TRMT1L: variants seen among roughly 807,000 people sequenced by gnomAD.
TRMT1L encodes tRNA methyltransferase 1L.
A neutral mutation model predicts 81.6 loss-of-function variants in TRMT1L; 28 were observed. The ratio of observed to expected loss-of-function variants is 0.34; its 90% CI spans 0.25 to 0.47. TRMT1L has a LOEUF of 0.47. Among genes scored for constraint, TRMT1L ranks in the 20% least tolerant of loss-of-function variants. The pLI is 1.00. For synonymous variants in TRMT1L, 301 were observed against 303.2 expected (o/e 0.99, Z 0.07); for missense variants, 739 against 877.1 (o/e 0.84, Z 1.99).
intron 10 of TRMT1L, among the ~76,000 whole-genome samples, chr1:185,132,547 A>AAT (rs1652799268): frequency 1.3e-5 from 2 of 151,300 alleles, no homozygotes; most frequent in African/African-American, 2.4e-5. Context: ...AATAAAAATA[A>AAT]AAATAAATAA....
intron 1 of TRMT1L, among the ~76,000 whole-genome samples, chr1:185,155,103 T>C (rs1653458858): frequency 1.3e-5 from 2 of 152,256 alleles, no homozygotes; most frequent in South Asian, 4.1e-4. Context: ...ATATTTGTCC[T>C]ACTAATGCAT....
chr1:185,156,423 G>A, intron 1 of TRMT1L, 55 bp downstream of exon 1: 1 of 1,613,156 alleles, frequency 6.2e-7, no homozygotes, highest in Non-Finnish European at 8.5e-7. Context: ...CTACTTCCCA[G>A]CAAGGCGCAC....
At chr1:185,148,981 T>A (rs1557992510) in intron 3 of TRMT1L, among the ~76,000 whole-genome samples, 1 of 152,210 alleles carries the variant, frequency 6.6e-6, no homozygotes, top group Non-Finnish European at 1.5e-5. Flanking sequence ...CATAATCATA[T>A]ACAAATATAA....
intron 3 of TRMT1L, among the ~76,000 whole-genome samples, chr1:185,149,995 A>G (rs2102257720): frequency 6.6e-6 from 1 of 152,234 alleles, no homozygotes; most frequent in African/African-American, 2.4e-5. Flanking sequence ...GCAGAAAGAG[A>G]TATTATCTTG....
At chr1:185,148,838 T>C (rs983129877) in intron 3 of TRMT1L, among the ~76,000 whole-genome samples, 4 of 152,186 alleles carry the variant, frequency 2.6e-5, no homozygotes, top group African/African-American at 9.6e-5. Context: ...AAATAACTAA[T>C]GATAATCTTT....
chr1:185,147,777 G>A (rs1231553674), intron 3 of TRMT1L, among the ~76,000 whole-genome samples: 2 of 151,658 alleles, frequency 1.3e-5, no homozygotes, highest in Non-Finnish European at 2.9e-5. Flanking sequence ...TCATTTCCTT[G>A]GCAACTTAGC....
chr1:185,129,802 A>G (rs1284838537), intron 10 of TRMT1L, among the ~76,000 whole-genome samples: 1 of 151,668 alleles, frequency 6.6e-6, no homozygotes, highest in East Asian at 1.9e-4. Context: ...AGTATTATTT[A>G]ATTCTAAGCT....
At position 185,119,747 on chromosome 1, in the gene TRMT1L, T is replaced by G. The variant is rs1465146929; in HGVS notation, c.*272A>C. 2 of 284,926 alleles carry G rather than the reference T, an allele frequency of 7.0e-6. No individual in the cohort carries two copies. Among genetic ancestry groups the G allele is most frequent in the East Asian group, 1.2e-4 (2 of 16,362 alleles). 17.6% of individuals were successfully genotyped at this position (284,926 alleles called of 1,614,324 possible). On this transcript the variant is annotated 3_prime_UTR_variant, in exon 15 of 15. Transcript: ENST00000367506. ...AAACACTTTGCATGTGAAAATTTTCTGAATTATTAAGCAGTAGGGTGATCT... is the reference window on the plus strand; with the variant it reads ...AAACACTTTGCATGTGAAAATTTTCGGAATTATTAAGCAGTAGGGTGATCT...
In TRMT1L at chr1:185,140,156, T is replaced by C; in HGVS notation, c.926A>G (p.Asn309Ser). The C allele has an allele frequency of 6.2e-7, 1 of 1,613,850 alleles. No individual in the cohort carries two copies. The highest frequency in any genetic ancestry group is 8.5e-7 in the Non-Finnish European group (1 of 1,179,860). ...NAVKVTINDLNENSVTLIQEN... is the reference protein window; with the variant it reads ...NAVKVTINDLSENSVTLIQEN... ...CTGAATCAGTGTCACAGAATTTTCA[T>C]TCAAGTCATTGATTGTAACTTTGAC... Residue 309 changes from asparagine (N) to serine (S), a missense_variant, in exon 8 of 15, where the codon AAT becomes AGT. Asn to Ser is a conservative substitution (Grantham distance 46). This residue lies in a region of TRMT1L where 331 missense variants were observed against 462.2 expected (regional missense o/e 0.72). Coordinates refer to ENST00000367506, the MANE Select transcript of TRMT1L (RefSeq NM_030934.5).
intron 3 of TRMT1L, among the ~76,000 whole-genome samples, chr1:185,147,747 T>C (rs1430943431): frequency 6.6e-6 from 1 of 152,168 alleles, no homozygotes; most frequent in Non-Finnish European, 1.5e-5. Flanking sequence ...TAGGCTTGGG[T>C]GGCTAAGTGA....
At chr1:185,153,139 A>C (rs1407557) in intron 1 of TRMT1L, among the ~76,000 whole-genome samples, 1 of 152,006 alleles carries the variant, frequency 6.6e-6, no homozygotes, top group Non-Finnish European at 1.5e-5. Flanking sequence ...AAATTTCTCA[A>C]TCATTACATA....
chr1:185,127,179 G>A (rs899389204), intron 11 of TRMT1L, among the ~76,000 whole-genome samples: 3 of 152,172 alleles, frequency 2.0e-5, no homozygotes, highest in Non-Finnish European at 4.4e-5. Context: ...CCAGTAACCT[G>A]CTATTTTTAA....
intron 1 of TRMT1L, among the ~76,000 whole-genome samples, chr1:185,154,043 T>C (rs923297917): frequency 2.6e-5 from 4 of 152,232 alleles, no homozygotes; most frequent in Non-Finnish European, 4.4e-5. Flanking sequence ...TGCAGTAGCT[T>C]GCAGATAGGA....
chr1:185,156,699 G>A lies in TRMT1L; in HGVS notation c.14C>T (p.Ala5Val), dbSNP rs753656594. 2.5e-6 allele frequency: 4 copies of A among 1,612,618 alleles called. No homozygotes were observed. Among genetic ancestry groups the A allele is most frequent in the Non-Finnish European group, 3.4e-6 (4 of 1,179,798 alleles). Residue 5 changes from alanine (A) to valine (V), a missense_variant, in exon 1 of 15, where the codon GCG (alanine) becomes GTG (valine). Coordinates refer to ENST00000367506, the MANE Select transcript of TRMT1L (RefSeq NM_030934.5). Reference sequence around the variant, plus strand: ...CTCCAGGGGCAGCAGCTCCTCCTCCGCCATATTCTCCATAGTTACCGCCTC... The same window carrying A: ...CTCCAGGGGCAGCAGCTCCTCCTCCACCATATTCTCCATAGTTACCGCCTC... MENM[A>V]EEELLPLEKE...
At chr1:185,155,475 G>A (rs1316165104) in intron 1 of TRMT1L, among the ~76,000 whole-genome samples, 1 of 152,158 alleles carries the variant, frequency 6.6e-6, no homozygotes, top group African/African-American at 2.4e-5. Context: ...GCCCTACTCT[G>A]AAATCTATAA....
chr1:185,129,664 C>T (rs760038141), intron 10 of TRMT1L, among the ~76,000 whole-genome samples: 1 of 152,158 alleles, frequency 6.6e-6, no homozygotes, highest in African/African-American at 2.4e-5. Flanking sequence ...GAACACAGGT[C>T]GATAGCCTCT....
At position 185,156,714 on chromosome 1, in the gene TRMT1L, G is replaced by A. The variant is rs756827190; in HGVS notation, c.-2C>T. ...CTCCTCCTCCGCCATATTCTCCATA[G>A]TTACCGCCTCCGTGCCAAGCCCGCC... On this transcript the variant is annotated 5_prime_UTR_variant, in exon 1 of 15. Coordinates refer to ENST00000367506, the MANE Select transcript of TRMT1L (RefSeq NM_030934.5). 5 of 1,612,636 alleles carry A rather than the reference G, an allele frequency of 3.1e-6. No homozygotes were observed. The South Asian group carries it at 4.4e-5, about 14-fold the overall frequency.
At chr1:185,143,180 C>T (rs1483892602) in intron 7 of TRMT1L, among the ~76,000 whole-genome samples, 177 bp downstream of exon 7, 1 of 152,036 alleles carries the variant, frequency 6.6e-6, no homozygotes, top group Non-Finnish European at 1.5e-5. Flanking sequence ...GCGATGGATA[C>T]ACAGAGACTC....
At chr1:185,147,351 T>C in intron 3 of TRMT1L, 105 bp from the exon 4 acceptor site, 2 of 794,828 alleles carry the variant, frequency 2.5e-6, no homozygotes, top group South Asian at 3.4e-5. Context: ...ACCCTTACAT[T>C]TGTAATGTCA....
Sources: allele counts gnomAD v4.1 joint callset (sites outside exome capture counted in the v4.1 genomes callset), GRCh38; gene constraint gnomAD v4.1.1; regional missense constraint gnomAD v4.1.1; transcripts MANE v1.5; gene names NCBI Gene and HGNC (gene_info 2026-07-23, HGNC 2026-07-21).